The following SLIT3 variants were observed in gnomAD, a reference collection of about 807,000 sequenced individuals.
SLIT3 encodes the protein slit homolog 3 protein.
Under a neutral mutation model 184.0 loss-of-function variants are expected in SLIT3, and 68 were observed. That is an observed-to-expected ratio of 0.37 (90% CI 0.30 to 0.45). The LOEUF is 0.45. Ranked by LOEUF, SLIT3 falls within the 20% of genes least tolerant of loss-of-function variation. The probability of loss-of-function intolerance (pLI) is 1.00; values close to 1 mark genes in which losing one functional copy is unlikely to be tolerated. For missense variants in SLIT3, 1,707 were observed against 2,026.0 expected, an observed-to-expected ratio of 0.84 and a Z score of 3.02; for synonymous variants, 831 against 828.6, an observed-to-expected ratio of 1.00 and a Z score of -0.05.
intron 4 of SLIT3, among the ~76,000 whole-genome samples, chr5:169,189,497 CCAGTA>C (rs1760656338): frequency 7.6e-6 from 1 of 131,374 alleles, no homozygotes; most frequent in Non-Finnish European, 1.6e-5. Flanking sequence ...GGCAAAGTGC[CCAGTA>C]CAGTACTGCT....
At chr5:168,848,013 T>C (rs1021020611) in intron 5 of SLIT3, among the ~76,000 whole-genome samples, 2 of 152,164 alleles carry the variant, frequency 1.3e-5, no homozygotes, top group African/African-American at 4.8e-5. Context: ...AACCCAGCAG[T>C]TGGAGGATGC....
chr5:169,100,635 G>A (rs563416886), intron 4 of SLIT3, among the ~76,000 whole-genome samples: 2 of 152,290 alleles, frequency 1.3e-5, no homozygotes, highest in East Asian at 3.9e-4. Flanking sequence ...CGCACTAAAA[G>A]CATGATCTGT....
At chr5:168,669,682 A>G in intron 35 of SLIT3, 101 bp downstream of exon 35, 1 of 924,150 alleles carries the variant, frequency 1.1e-6, no homozygotes, top group Non-Finnish European at 1.7e-6. Flanking sequence ...AAGGTCATGC[A>G]GCCTTTAAGT....
At chr5:168,692,389 C>T (rs551901965) in intron 29 of SLIT3, among the ~76,000 whole-genome samples, 1 of 152,234 alleles carries the variant, frequency 6.6e-6, no homozygotes, top group African/African-American at 2.4e-5. Flanking sequence ...TCCCTACCTA[C>T]CTGTCTATCT....
intron 4 of SLIT3, among the ~76,000 whole-genome samples, chr5:169,137,064 G>A (rs1761529804): frequency 1.3e-5 from 2 of 152,028 alleles, no homozygotes; most frequent in Non-Finnish European, 2.9e-5. Flanking sequence ...CAAGGGGCGA[G>A]CATGATTATG....
intron 5 of SLIT3, among the ~76,000 whole-genome samples, chr5:168,855,598 G>T (rs545887946): frequency 2.2e-4 from 33 of 152,248 alleles, no homozygotes; most frequent in African/African-American, 7.7e-4. Flanking sequence ...AAAACATTAC[G>T]CTAAGTGAAA....
At chr5:169,111,733 C>T (rs986374023) in intron 4 of SLIT3, among the ~76,000 whole-genome samples, 1 of 152,192 alleles carries the variant, frequency 6.6e-6, no homozygotes, top group African/African-American at 2.4e-5. Context: ...GCCTGGACAA[C>T]AAGAGCAAAA....
At position 169,137,329 on chromosome 5, in the gene SLIT3, C is replaced by CAGAGAG. The variant is rs573469556; in HGVS notation, c.413+56149_413+56150insCTCTCT. Among the ~76,000 whole-genome samples the CAGAGAG allele has an allele frequency of 5.8e-3, 569 of 97,926 alleles. 3 individuals carry two copies. The highest frequency in any genetic ancestry group is 0.027 in the Middle Eastern group (4 of 146). The allele number at this position is 97,926 out of a possible 152,430, so 64.2% of individuals were successfully genotyped here. ...ATACACACACACACACACACACACA[C>CAGAGAG]ACACACAGAGAGAGAGAGAGAGAGA... On this transcript the variant is annotated intron_variant, in intron 4 of 35. Coordinates refer to ENST00000519560, the MANE Select transcript of SLIT3 (RefSeq NM_003062.4).
intron 1 of SLIT3, among the ~76,000 whole-genome samples, chr5:169,284,478 A>G (rs1240704378): frequency 6.6e-6 from 1 of 152,128 alleles, no homozygotes; most frequent in Non-Finnish European, 1.5e-5. Flanking sequence ...GGACAAATCA[A>G]TATACAAACA....
intron 4 of SLIT3, among the ~76,000 whole-genome samples, chr5:169,141,124 A>C (rs1315407082): frequency 6.6e-6 from 1 of 152,186 alleles, no homozygotes; most frequent in Non-Finnish European, 1.5e-5. Flanking sequence ...CTGTTCCAAG[A>C]AGATTTCACT....
chr5:168,893,068 G>A (rs1260244742), intron 4 of SLIT3, among the ~76,000 whole-genome samples: 3 of 152,164 alleles, frequency 2.0e-5, no homozygotes, highest in South Asian at 2.1e-4. Flanking sequence ...TGCGATTTTG[G>A]TGTCTTCACA....
intron 32 of SLIT3, among the ~76,000 whole-genome samples, chr5:168,677,576 G>A (rs1761453962): frequency 6.6e-6 from 1 of 152,190 alleles, no homozygotes; most frequent in African/African-American, 2.4e-5. Flanking sequence ...AGCTTCCCAA[G>A]TAGCTGGGAT....
At chr5:168,892,360 G>C (rs1469551922) in intron 4 of SLIT3, among the ~76,000 whole-genome samples, 2 of 152,152 alleles carry the variant, frequency 1.3e-5, no homozygotes, top group Non-Finnish European at 2.9e-5. Flanking sequence ...ATCACACATA[G>C]CTAGTGCCTA....
chr5:169,126,005 C>A (rs1761065597), intron 4 of SLIT3, among the ~76,000 whole-genome samples: 1 of 152,104 alleles, frequency 6.6e-6, no homozygotes, highest in Non-Finnish European at 1.5e-5. Flanking sequence ...TGCAAGCTTG[C>A]TTTTTAGCTC....
intron 5 of SLIT3, among the ~76,000 whole-genome samples, chr5:168,850,974 G>A (rs940237312): frequency 2.0e-5 from 3 of 152,126 alleles, no homozygotes; most frequent in African/African-American, 4.8e-5. Flanking sequence ...TTGGGCTTTT[G>A]GCAAATGAAT....
chr5:169,235,739 A>G (rs1019331806), intron 3 of SLIT3, among the ~76,000 whole-genome samples: 2 of 152,170 alleles, frequency 1.3e-5, no homozygotes, highest in Non-Finnish European at 2.9e-5. Context: ...GGTATTTTTT[A>G]TGAAGTTTCT....
intron 9 of SLIT3, among the ~76,000 whole-genome samples, chr5:168,798,223 C>T (rs71603883): frequency 0.53 from 57,080 of 107,138 alleles, 16,088 homozygotes; most frequent in African/African-American, 0.68. Context: ...TCTTCTTCTT[C>T]TTTTTTTTTT....
At chr5:169,297,103 G>A (rs1260243121) in intron 1 of SLIT3, among the ~76,000 whole-genome samples, 1 of 152,190 alleles carries the variant, frequency 6.6e-6, no homozygotes, top group Non-Finnish European at 1.5e-5. Flanking sequence ...TAAATGTTTG[G>A]TTTCAGGCAC....
At chr5:168,731,217 C>T (rs1763280277) in intron 20 of SLIT3, among the ~76,000 whole-genome samples, 1 of 151,916 alleles carries the variant, frequency 6.6e-6, no homozygotes, top group Non-Finnish European at 1.5e-5. Flanking sequence ...CATGCAACCT[C>T]CTGAAATTGA....
Sources: gnomAD v4.1 joint callset for allele counts (sites outside exome capture counted in the v4.1 genomes callset) on GRCh38, gnomAD v4.1.1 for gene constraint, MANE v1.5 for transcripts, NCBI Gene and HGNC (gene_info 2026-07-23, HGNC 2026-07-21) for gene names.